SULT1C3: variants seen among roughly 807,000 people sequenced by gnomAD.
SULT1C3 encodes the protein sulfotransferase family 1C member 3, also known as sulfotransferase 1C3.
SULT1C3 carries 31 observed loss-of-function variants against 28.4 expected under a neutral mutation model. The ratio of observed to expected loss-of-function variants is 1.09; its 90% CI spans 0.82 to 1.47. The LOEUF (loss-of-function observed/expected upper bound fraction) is 1.47, where lower values mean the gene tolerates loss of function less well. SULT1C3 is among the 40% of genes most tolerant of loss of function. SULT1C3 has a pLI of 0.00. For synonymous variants in SULT1C3, 106 were observed against 92.2 expected (o/e 1.15, Z -0.86); for missense variants, 307 against 272.5 (o/e 1.13, Z -0.89).
rs144109255 is a variant in SULT1C3, at chr2:108,255,692, G to T, written c.520G>T (p.Gly174Ter). The T allele has an allele frequency of 6.2e-7, 1 of 1,609,728 alleles. No individual in the cohort carries two copies. Among genetic ancestry groups the T allele is most frequent in the Admixed American group, 1.7e-5 (1 of 59,718 alleles). ...LEEFYEKFMS[G>*]KVVGGSWFDH... ...GGAATTTTATGAGAAATTCATGTCC[G>T]GAAAAGGTGAGTTCAAACTGATCTT... Residue 174 changes from glycine to a stop codon, truncating the protein, a stop_gained, in exon 5 of 8, where the codon GGA becomes TGA. Transcript: ENST00000681802. LOFTEE classifies it high-confidence loss of function.
chr2:108,259,179 T>TA, intron 7 of SULT1C3, 33 bp downstream of exon 7: 1 of 291,576 alleles, frequency 3.4e-6, no homozygotes, highest in South Asian at 5.0e-5. Context: ...AACTGAACTC[T>TA]AAAAAATTTT....
rs1475854604 is a variant in SULT1C3, at chr2:108,240,033, G to A, written c.-58G>A. ...GGACCTGGCTCTGGGTTTCCAGGAAGCAGTTTGACTAAAGGCAGCAAGCTG... is the reference window on the plus strand; with the variant it reads ...GGACCTGGCTCTGGGTTTCCAGGAAACAGTTTGACTAAAGGCAGCAAGCTG... On this transcript the variant is annotated 5_prime_UTR_variant, in exon 1 of 8. Coordinates refer to ENST00000681802, the MANE Select transcript of SULT1C3 (RefSeq NM_001320878.2). Among the ~76,000 whole-genome samples the A allele has an allele frequency of 6.6e-6, 1 of 152,228 alleles. No homozygotes were observed. Among genetic ancestry groups the A allele is most frequent in the African/African-American group, 2.4e-5 (1 of 41,450 alleles).
intron 5 of SULT1C3, among the ~76,000 whole-genome samples, chr2:108,257,029 T>A (rs559296806): frequency 6.6e-6 from 1 of 152,140 alleles, no homozygotes; most frequent in Non-Finnish European, 1.5e-5. Flanking sequence ...TTTGTTACTG[T>A]TTTTTTGTGT....
At chr2:108,240,939 TG>T (rs1475220283) in intron 1 of SULT1C3, among the ~76,000 whole-genome samples, 1 of 152,230 alleles carries the variant, frequency 6.6e-6, no homozygotes, top group African/African-American at 2.4e-5. Context: ...CCTTTTGGAT[TG>T]GCTTTGAAGA....
intron 2 of SULT1C3, among the ~76,000 whole-genome samples, chr2:108,247,800 A>G (rs1412915055): frequency 6.6e-6 from 1 of 152,188 alleles, no homozygotes; most frequent in Non-Finnish European, 1.5e-5. Context: ...TCAGCCATGA[A>G]TTTTCTGCTC....
At position 108,243,141 on chromosome 2, in the gene SULT1C3, G is replaced by A. The variant is rs1222274428; in HGVS notation, c.-8+3058G>A. Among the ~76,000 whole-genome samples, 4 of 152,180 alleles carry A rather than the reference G, an allele frequency of 2.6e-5. No individual in the cohort carries two copies. In the East Asian group the frequency reaches 5.8e-4, roughly 22 times the overall value. On this transcript the variant is annotated intron_variant, in intron 1 of 7. Coordinates refer to ENST00000681802, the MANE Select transcript of SULT1C3 (RefSeq NM_001320878.2). ...GAGTGTGCAAGGCATTTTCAAAGGA[G>A]GGTAAGCAGCTTTTGAAACTATCAT...
intron 6 of SULT1C3, 49 bp downstream of exon 6, chr2:108,258,877 A>C (rs1675944609): frequency 7.0e-7 from 1 of 1,433,540 alleles, no homozygotes; most frequent in Non-Finnish European, 9.7e-7. Context: ...CCTCCTGACA[A>C]TGTTATTCTG....
Position 108,247,248 on chromosome 2 carries a change from T to C in SULT1C3, c.54T>C (p.Phe18=). The change falls in exon 2 of 8, where the codon TTT becomes TTC. Residue 18 remains phenylalanine (F), a synonymous_variant. Transcript: ENST00000681802. The stretch of plus-strand genomic sequence containing the variant: ...CGATGGAAAAAAAGCCAGAACTGTT[T>C]AACATCATGGAAGTAGATGGAGTCC... ...APTMEKKPEL[F]NIMEVDGVPT... 1 of 1,589,284 alleles carries C rather than the reference T, an allele frequency of 6.3e-7. No homozygotes were observed. Among genetic ancestry groups the C allele is most frequent in the South Asian group, 1.2e-5 (1 of 85,926 alleles).
At chr2:108,248,154 G>A (rs532166850) in intron 2 of SULT1C3, among the ~76,000 whole-genome samples, 1 of 152,246 alleles carries the variant, frequency 6.6e-6, no homozygotes, top group Non-Finnish European at 1.5e-5. Flanking sequence ...AATTGATGGG[G>A]ACATGTAGAA....
At chr2:108,248,760 C>CAAA (rs1675654608) in intron 2 of SULT1C3, among the ~76,000 whole-genome samples, 1 of 152,090 alleles carries the variant, frequency 6.6e-6, no homozygotes, top group Non-Finnish European at 1.5e-5. Flanking sequence ...GTCCCCATGA[C>CAAA]ATTAGTCCTC....
chr2:108,250,405 A>G (rs1211645865), intron 2 of SULT1C3, among the ~76,000 whole-genome samples: 1 of 152,040 alleles, frequency 6.6e-6, no homozygotes, highest in Non-Finnish European at 1.5e-5. Context: ...AAAACCTGGA[A>G]ATACTAAGTG....
At chr2:108,244,798 T>C (rs1675540378) in intron 1 of SULT1C3, among the ~76,000 whole-genome samples, 1 of 152,196 alleles carries the variant, frequency 6.6e-6, no homozygotes, top group African/African-American at 2.4e-5. Flanking sequence ...GACCTTGCTT[T>C]TCTAATTTTG....
chr2:108,263,821 T>A (rs1236604983), downstream of SULT1C3, among the ~76,000 whole-genome samples: 1 of 152,244 alleles, frequency 6.6e-6, no homozygotes, highest in Non-Finnish European at 1.5e-5. Flanking sequence ...TTTTTCGGTA[T>A]TCTAAATCTG....
At chr2:108,262,789 T>G (rs550320963), downstream of SULT1C3, among the ~76,000 whole-genome samples, 1 of 152,286 alleles carries the variant, frequency 6.6e-6, no homozygotes, top group African/African-American at 2.4e-5. Context: ...TGGACTAAAC[T>G]GAGGGTCGGG....
At chr2:108,261,675 T>C (rs948842726), downstream of SULT1C3, among the ~76,000 whole-genome samples, 36 of 151,904 alleles carry the variant, frequency 2.4e-4, no homozygotes, top group Admixed American at 1.7e-3. Context: ...AACTCAGAAA[T>C]AAAATTAAAG....
At chr2:108,248,464 T>C (rs1476242292) in intron 2 of SULT1C3, among the ~76,000 whole-genome samples, 2 of 152,132 alleles carry the variant, frequency 1.3e-5, no homozygotes, top group Non-Finnish European at 2.9e-5. Context: ...AGCAAACTCA[T>C]TGAGTTCAAG....
downstream of SULT1C3, among the ~76,000 whole-genome samples, chr2:108,263,102 A>C (rs2104395616): frequency 6.6e-6 from 1 of 152,288 alleles, no homozygotes; most frequent in Admixed American, 6.5e-5. Context: ...TACTGGGTTG[A>C]TCACCCTTAT....
At chr2:108,246,002 G>T (rs577299179) in intron 1 of SULT1C3, among the ~76,000 whole-genome samples, 10 of 152,106 alleles carry the variant, frequency 6.6e-5, no homozygotes, top group Non-Finnish European at 1.3e-4. Flanking sequence ...CAAGTTCAAA[G>T]TTCCATAGAT....
intron 5 of SULT1C3, among the ~76,000 whole-genome samples, chr2:108,258,494 A>G (rs1033833083): frequency 3.3e-5 from 5 of 152,140 alleles, no homozygotes; most frequent in Non-Finnish European, 5.9e-5. Context: ...TTATTGCCGA[A>G]TGTTTTAAGA....
Sources: allele counts gnomAD v4.1 joint callset (sites outside exome capture counted in the v4.1 genomes callset), GRCh38; gene constraint gnomAD v4.1.1; transcripts MANE v1.5; gene names NCBI Gene and HGNC (gene_info 2026-07-23, HGNC 2026-07-21).